IGF2R: variants seen among roughly 807,000 people sequenced by gnomAD.
IGF2R encodes cation-independent mannose-6-phosphate receptor.
In IGF2R, 91 loss-of-function variants were observed where a neutral mutation model predicts 270.6. That is an observed-to-expected ratio of 0.34 (90% confidence interval 0.28 to 0.40). The LOEUF is 0.40. Among genes scored for constraint, IGF2R ranks in the 10% least tolerant of loss-of-function variants. IGF2R has a pLI of 1.00. For synonymous variants in IGF2R, 1,316 were observed against 1,258.9 expected (o/e 1.05, Z -0.96); for missense variants, 2,805 against 3,188.3 (o/e 0.88, Z 2.90).
chr6:160,047,475 G>A, intron 16 of IGF2R, 139 bp downstream of exon 16: 2 of 732,276 alleles, frequency 2.7e-6, no homozygotes, highest in Non-Finnish European at 4.4e-6. Context: ...TGCCTGGGCA[G>A]TATTAGTATT....
At chr6:160,075,114 A>ACATGCACACACACGTG (rs1778828592) in intron 35 of IGF2R, among the ~76,000 whole-genome samples, 1 of 151,262 alleles carries the variant, frequency 6.6e-6, no homozygotes, top group Non-Finnish European at 1.5e-5. Context: ...ACTCACACCC[A>ACATGCACACACACGTG]CATGCACACA....
intron 12 of IGF2R, 23 bp downstream of exon 12, chr6:160,043,311 A>T (rs775755734): frequency 6.2e-7 from 1 of 1,605,190 alleles, no homozygotes; most frequent in Non-Finnish European, 8.5e-7. Flanking sequence ...TGGATGGAAG[A>T]TCTAGGTGAT....
chr6:160,056,971 T>G (rs760295138), intron 20 of IGF2R, among the ~76,000 whole-genome samples: 5 of 152,138 alleles, frequency 3.3e-5, no homozygotes, highest in Non-Finnish European at 7.4e-5. Flanking sequence ...TGATCCTGTC[T>G]ATAGGGTAAG....
At chr6:160,008,979 AG>A (rs1784289733) in intron 2 of IGF2R, 30 bp from the exon 3 acceptor site, 1 of 1,611,420 alleles carries the variant, frequency 6.2e-7, no homozygotes, top group African/African-American at 1.3e-5. Context: ...TATGTTTTAT[AG>A]CCTGTTCACT....
chr6:160,046,156 A>G (rs368702773), intron 14 of IGF2R, among the ~76,000 whole-genome samples: 12 of 152,240 alleles, frequency 7.9e-5, no homozygotes, highest in African/African-American at 2.9e-4. Flanking sequence ...AATTCTAGGC[A>G]AGAAACCTCT....
chr6:160,034,377 G>A, intron 9 of IGF2R, 42 bp from the exon 10 acceptor site: 1 of 1,315,544 alleles, frequency 7.6e-7, no homozygotes, highest in Non-Finnish European at 1.1e-6. Context: ...TTTTTTCTTG[G>A]TTCTCCCAAA....
Position 160,059,054 on chromosome 6 carries a change from A to G in IGF2R, c.3047A>G (p.Glu1016Gly). The G allele has an allele frequency of 6.2e-7, 1 of 1,614,226 alleles. No individual in the cohort carries two copies. The highest frequency in any genetic ancestry group is 8.5e-7 in the Non-Finnish European group (1 of 1,180,040). ...GIEKSLQLST[E>G]GFITLTYKGP... ...GAGAAAAGCCTCCAGCTGTCCACAGAGGGCTTCATCACTCTGACCTACAAA... is the reference window on the plus strand; with the variant it reads ...GAGAAAAGCCTCCAGCTGTCCACAGGGGGCTTCATCACTCTGACCTACAAA... Residue 1016 changes from glutamate (E) to glycine (G), a missense_variant, in exon 22 of 48, where the codon GAG becomes GGG. Coordinates refer to ENST00000356956, the MANE Select transcript of IGF2R (RefSeq NM_000876.4).
chr6:160,046,000 T>C, intron 14 of IGF2R, 118 bp downstream of exon 14: 1 of 829,600 alleles, frequency 1.2e-6, no homozygotes, highest in East Asian at 2.9e-5. Flanking sequence ...TTCATGCTGT[T>C]TGAACAAAAT....
intron 7 of IGF2R, among the ~76,000 whole-genome samples, 168 bp from the exon 8 acceptor site, chr6:160,032,383 T>C (rs8191761): frequency 3.6e-4 from 55 of 152,330 alleles, no homozygotes; most frequent in African/African-American, 1.3e-3. Flanking sequence ...TGAGTTGTTA[T>C]AAGTCAAATA....
intron 27 of IGF2R, 49 bp downstream of exon 27, chr6:160,063,679 A>G (rs777273690): frequency 7.1e-7 from 1 of 1,398,662 alleles, no homozygotes; most frequent in Non-Finnish European, 1.0e-6. Context: ...TGGAATTAAA[A>G]TATTAAAATA....
At position 160,010,716 on chromosome 6, in the gene IGF2R, A is replaced by G. The variant is rs764333600; in HGVS notation, c.444A>G (p.Glu148=). The G allele has an allele frequency of 6.2e-7, 1 of 1,610,114 alleles. No individual in the cohort carries two copies. The highest frequency in any genetic ancestry group is 1.7e-5 in the Admixed American group (1 of 60,006). The change falls in exon 4 of 48, where the codon GAA becomes GAG. Residue 148 remains glutamate, a synonymous_variant. Transcript: ENST00000356956. ...LGTPEFVTAT[E]CVHYFEWRTT... ...CTCCTGAATTTGTAACTGCAACAGA[A>G]TGTGTGCACTACTTTGAGTGGAGGA...
Position 160,064,766 on chromosome 6 carries a change from A to G in IGF2R, c.4018-38A>G, listed in dbSNP as rs529485119. ...CTCAAAGTATAAACTAAAGTTTTGCATTCTCACTTTTATATATGTGCCTCT... is the reference window on the plus strand; with the variant it reads ...CTCAAAGTATAAACTAAAGTTTTGCGTTCTCACTTTTATATATGTGCCTCT... On this transcript the variant is annotated intron_variant, in intron 28 of 47. Coordinates refer to ENST00000356956, the MANE Select transcript of IGF2R (RefSeq NM_000876.4). The G allele has an allele frequency of 4.3e-6, 6 of 1,405,898 alleles. No individual in the cohort carries two copies. The East Asian group carries it at 9.1e-5, about 21-fold the overall frequency. 87.1% of individuals were successfully genotyped at this position (1,405,898 alleles called of 1,614,324 possible).
intron 4 of IGF2R, among the ~76,000 whole-genome samples, chr6:160,019,111 A>G (rs1055555925): frequency 5.9e-5 from 9 of 152,138 alleles, no homozygotes; most frequent in South Asian, 2.1e-4. Flanking sequence ...GAAAGTAGAC[A>G]TTACAGCTGA....
intron 45 of IGF2R, among the ~76,000 whole-genome samples, chr6:160,101,067 C>G (rs1159882932): frequency 1.3e-5 from 2 of 150,810 alleles, no homozygotes; most frequent in Admixed American, 6.6e-5. Context: ...GCTGGGATTA[C>G]AGGCATGAGC....
intron 4 of IGF2R, among the ~76,000 whole-genome samples, chr6:160,016,067 T>C (rs929534227): frequency 1.3e-5 from 2 of 152,210 alleles, no homozygotes; most frequent in Non-Finnish European, 2.9e-5. Context: ...CTCAGGTATT[T>C]ATAGCAGTGC....
intron 5 of IGF2R, among the ~76,000 whole-genome samples, chr6:160,025,289 G>A (rs997267361): frequency 2.0e-4 from 30 of 152,316 alleles, no homozygotes; most frequent in African/African-American, 7.2e-4. Flanking sequence ...ACTAAGCCAA[G>A]TTTCTAAAAC....
intron 34 of IGF2R, 134 bp from the exon 35 acceptor site, chr6:160,073,623 C>A: frequency 1.9e-6 from 2 of 1,072,208 alleles, no homozygotes; most frequent in Middle Eastern, 2.1e-4. Flanking sequence ...GTGCCCAGTG[C>A]TATGTAATGA....
intron 1 of IGF2R, among the ~76,000 whole-genome samples, chr6:159,979,459 T>C (rs1381330284): frequency 6.6e-6 from 1 of 152,216 alleles, no homozygotes; most frequent in Non-Finnish European, 1.5e-5. Context: ...ATACCAGCAC[T>C]TCTCTCTTCT....
intron 1 of IGF2R, among the ~76,000 whole-genome samples, chr6:159,990,893 G>A (rs1783968147): frequency 6.6e-6 from 1 of 152,208 alleles, no homozygotes; most frequent in East Asian, 1.9e-4. Flanking sequence ...CTCCCAAAGT[G>A]CTGGGATTAC....
Sources: gnomAD v4.1 joint callset for allele counts (sites outside exome capture counted in the v4.1 genomes callset) on GRCh38, gnomAD v4.1.1 for gene constraint, MANE v1.5 for transcripts, NCBI Gene and HGNC (gene_info 2026-07-23, HGNC 2026-07-21) for gene names.